KANSL3: variants seen among roughly 807,000 people sequenced by gnomAD.
KANSL3 encodes the protein KAT8 regulatory NSL complex subunit 3, also known as NSL complex protein NSL3.
In KANSL3, 16 loss-of-function variants were observed where a neutral mutation model predicts 89.2. That is an observed-to-expected ratio of 0.18 (90% CI 0.12 to 0.27). KANSL3 has a LOEUF of 0.27. Ranked by LOEUF, KANSL3 falls within the 10% of genes least tolerant of loss-of-function variation. KANSL3 has a pLI of 1.00. For missense variants in KANSL3, 879 were observed against 1,110.6 expected (o/e 0.79, Z 2.96); for synonymous variants, 385 against 419.7 (o/e 0.92, Z 1.01).
At chr2:96,624,536 G>C (rs139998415) in intron 3 of KANSL3, among the ~76,000 whole-genome samples, 88 of 151,944 alleles carry the variant, frequency 5.8e-4, no homozygotes, top group African/African-American at 1.7e-3. Context: ...AATTCTTCTT[G>C]TTGTTGAGAC....
At position 96,594,448 on chromosome 2, in the gene KANSL3, G is replaced by A. The variant is rs1245564299; in HGVS notation, c.*1163C>T. The A allele has an allele frequency of 6.6e-6, 1 of 152,128 alleles. No individual in the cohort carries two copies. The highest frequency in any genetic ancestry group is 1.5e-5 in the Non-Finnish European group (1 of 68,046). The allele number at this position is 152,128 out of a possible 1,614,324, so 9.4% of individuals were successfully genotyped here. On this transcript the variant is annotated 3_prime_UTR_variant, in exon 21 of 21. Coordinates refer to ENST00000431828, the MANE Select transcript of KANSL3 (RefSeq NM_001115016.3). ...CTTCTCCAGGGACTGCCACCTATAG[G>A]GCTCAGGTTGGTACCAACAGCCCTG...
At chr2:96,605,782 G>C (rs2067894267) in intron 14 of KANSL3, 1 of 246,046 alleles carries the variant, frequency 4.1e-6, no homozygotes, top group Non-Finnish European at 7.9e-6. Context: ...AAGGGGCCCT[G>C]AGTTGGTAGG....
At chr2:96,616,104 C>A (rs983195709) in intron 5 of KANSL3, among the ~76,000 whole-genome samples, 2 of 152,064 alleles carry the variant, frequency 1.3e-5, no homozygotes, top group African/African-American at 4.8e-5. Flanking sequence ...TTATTCCAGG[C>A]ACAGATGGAC....
chr2:96,614,206 T>A (rs1000889656), intron 5 of KANSL3, among the ~76,000 whole-genome samples: 2 of 152,164 alleles, frequency 1.3e-5, no homozygotes, highest in African/African-American at 4.8e-5. Flanking sequence ...ATTTCTTGTT[T>A]CTCAGCCTCC....
intron 20 of KANSL3, chr2:96,600,288 CA>C (rs1183371514): frequency 3.1e-6 from 1 of 321,436 alleles, no homozygotes; most frequent in African/African-American, 2.2e-5. Flanking sequence ...AGGCTATTAA[CA>C]GTGAACATCA....
Position 96,593,800 on chromosome 2 carries a change from A to G in KANSL3, c.*1811T>C, listed in dbSNP as rs2066364066. The G allele has an allele frequency of 1.3e-5, 2 of 155,530 alleles. No homozygotes were observed. The highest frequency in any genetic ancestry group is 1.3e-4 in the Admixed American group (2 of 15,982). The allele number at this position is 155,530 out of a possible 1,614,324, so 9.6% of individuals were successfully genotyped here. On this transcript the variant is annotated 3_prime_UTR_variant, in exon 21 of 21. Transcript: ENST00000431828. The stretch of plus-strand genomic sequence containing the variant: ...TATAGCTCATATAGTCTTATTGTCC[A>G]CTGCTCTTTTGGTGTGGTATGATCC...
chr2:96,609,950 CAAAAAAAAA>C (rs35175492), intron 11 of KANSL3, among the ~76,000 whole-genome samples: 15 of 21,612 alleles, frequency 6.9e-4, no homozygotes, highest in Middle Eastern at 0.1. Context: ...GGCGCCACCT[CAAAAAAAAA>C]AAAAAAAAAA....
chr2:96,605,559 AACAG>A (rs775621286), intron 14 of KANSL3, 48 bp from the exon 15 acceptor site: 22 of 1,498,318 alleles, frequency 1.5e-5, no homozygotes, highest in East Asian at 2.3e-5. Context: ...AAAAAATCCC[AACAG>A]ACACTCAGTC....
intron 3 of KANSL3, chr2:96,628,306 C>T (rs1375746634): frequency 2.1e-6 from 2 of 937,162 alleles, no homozygotes; most frequent in Non-Finnish European, 2.5e-6. Context: ...GACACTCTGG[C>T]CAGGCCACCC....
rs35175492 is a variant in KANSL3 at position 96,609,950 on chromosome 2, C to CAAAAAAAAAAAAA, written c.1320-401_1320-389dup. Among the ~76,000 whole-genome samples, 2 of 21,614 alleles carry CAAAAAAAAAAAAA rather than the reference C, an allele frequency of 9.3e-5. 1 individual carries two copies. The highest frequency in any genetic ancestry group is 4.1e-4 in the African/African-American group (2 of 4,874). 14.2% of individuals were successfully genotyped at this position (21,614 alleles called of 152,430 possible). On this transcript the variant is annotated intron_variant, in intron 11 of 20. Coordinates refer to ENST00000431828, the MANE Select transcript of KANSL3 (RefSeq NM_001115016.3). ...TAGGCGACAGAGCCAGGCGCCACCT[C>CAAAAAAAAAAAAA]AAAAAAAAAAAAAAAAAAAAAAAAA...
chr2:96,604,098 A>T (rs902779413), intron 17 of KANSL3, 152 bp downstream of exon 17: 1 of 780,252 alleles, frequency 1.3e-6, no homozygotes, highest in Non-Finnish European at 1.9e-6. Flanking sequence ...TGCCCAAGCT[A>T]ATTCCAGCTT....
chr2:96,613,346 G>C, intron 6 of KANSL3, 142 bp downstream of exon 6: 2 of 680,656 alleles, frequency 2.9e-6, no homozygotes, highest in South Asian at 5.0e-5. Context: ...ACTCTAGCCT[G>C]GGTAACAGAG....
chr2:96,631,210 TG>T (rs2073324348), intron 3 of KANSL3, 101 bp downstream of exon 3: 1 of 830,532 alleles, frequency 1.2e-6, no homozygotes, highest in African/African-American at 1.7e-5. Context: ...CACTCTGACT[TG>T]TGTTGCTGCA....
At chr2:96,597,546 T>C (rs1289312859) in intron 20 of KANSL3, among the ~76,000 whole-genome samples, 1 of 152,218 alleles carries the variant, frequency 6.6e-6, no homozygotes, top group African/African-American at 2.4e-5. Flanking sequence ...CCTTGCTTGT[T>C]GGAAAAGAAT....
intron 15 of KANSL3, among the ~76,000 whole-genome samples, chr2:96,605,080 A>C (rs866059565): frequency 6.6e-6 from 1 of 152,390 alleles, no homozygotes; most frequent in Middle Eastern, 3.4e-3. Context: ...CCAACAAAAA[A>C]AGAACAAAAT....
At position 96,613,389 on chromosome 2, in the gene KANSL3, T is replaced by A. The variant is rs150755134; in HGVS notation, c.795+99A>T. On this transcript the variant is annotated intron_variant, in intron 6 of 20. Coordinates refer to ENST00000431828, the MANE Select transcript of KANSL3 (RefSeq NM_001115016.3). ...CTGTCTCAAAAAATAATAATAATAA[T>A]AAATAGTTAAAGAAGCCATTTATCC... 684 of 924,294 alleles carry A rather than the reference T, an allele frequency of 7.4e-4. 7 individuals carry two copies. In the African/African-American group the frequency reaches 0.01, roughly 14 times the overall value. The allele number at this position is 924,294 out of a possible 1,614,324, so 57.3% of individuals were successfully genotyped here. A position where few individuals can be genotyped will look rare whatever the true frequency, so the allele number is the denominator to read the frequency against.
chr2:96,612,524 C>G lies in KANSL3; in HGVS notation c.952G>C (p.Gly318Arg). ...VATHLLNNGS[G>R]VGVLQCLEHM... ...TCGAGACACTGTAGAACTCCTACCC[C>G]ACTGCCATTGTTCAGCAGATGGGTG... Residue 318 changes from glycine (G) to arginine (R), a missense_variant, in exon 8 of 21, where the codon GGG (glycine) becomes CGG (arginine). Coordinates refer to ENST00000431828, the MANE Select transcript of KANSL3 (RefSeq NM_001115016.3). The G allele has an allele frequency of 6.2e-7, 1 of 1,613,994 alleles. No homozygotes were observed.
At chr2:96,615,433 T>C (rs2069878105) in intron 5 of KANSL3, 5 of 917,450 alleles carry the variant, frequency 5.4e-6, no homozygotes, top group Non-Finnish European at 7.6e-6. Flanking sequence ...TTTTACTATC[T>C]ACCAGAAATG....
At chr2:96,628,140 C>T in intron 3 of KANSL3, 1 of 1,289,792 alleles carries the variant, frequency 7.8e-7, no homozygotes, top group Non-Finnish European at 1.0e-6. Flanking sequence ...AAAGGACAGG[C>T]AGGAGAAGGT....
Sources: allele counts gnomAD v4.1 joint callset (sites outside exome capture counted in the v4.1 genomes callset), GRCh38; gene constraint gnomAD v4.1.1; transcripts MANE v1.5; gene names NCBI Gene and HGNC (gene_info 2026-07-23, HGNC 2026-07-21).